The following PDE3A variants were observed in gnomAD, a reference collection of about 807,000 sequenced individuals.
PDE3A encodes cGMP-inhibited 3',5'-cyclic phosphodiesterase 3A.
A neutral mutation model predicts 98.3 loss-of-function variants in PDE3A; 43 were observed. That is an observed-to-expected ratio of 0.44 (90% confidence interval 0.34 to 0.56). The LOEUF is 0.56. PDE3A is among the 20% of genes least tolerant of loss of function. The probability of loss-of-function intolerance (pLI) is 0.01; values close to 1 mark genes in which losing one functional copy is unlikely to be tolerated. For synonymous variants in PDE3A, 663 were observed against 567.9 expected, an observed-to-expected ratio of 1.17 and a Z score of -2.38; for missense variants, 1,427 against 1,440.7, an observed-to-expected ratio of 0.99 and a Z score of 0.15.
chr12:20,535,458 C>T (rs1009946906), intron 1 of PDE3A, among the ~76,000 whole-genome samples: 2 of 152,110 alleles, frequency 1.3e-5, no homozygotes, highest in South Asian at 2.1e-4. Flanking sequence ...GTCTGTGGGA[C>T]CTTCAGAGGA....
intron 1 of PDE3A, among the ~76,000 whole-genome samples, chr12:20,516,711 C>T (rs1356771737): frequency 1.3e-5 from 2 of 152,154 alleles, no homozygotes; most frequent in African/African-American, 4.8e-5. Flanking sequence ...ATGCTATGGC[C>T]TCTTTGACTA....
intron 7 of PDE3A, among the ~76,000 whole-genome samples, 161 bp from the exon 8 acceptor site, chr12:20,634,741 G>A (rs1592133495): frequency 6.6e-6 from 1 of 152,186 alleles, no homozygotes; most frequent in Non-Finnish European, 1.5e-5. Flanking sequence ...TAAGAGATGT[G>A]TGATGTTCTC....
intron 2 of PDE3A, among the ~76,000 whole-genome samples, chr12:20,582,669 T>C (rs779554932): frequency 6.6e-6 from 1 of 152,154 alleles, no homozygotes; most frequent in Non-Finnish European, 1.5e-5. Flanking sequence ...ACTACAGATA[T>C]TGATATTTAT....
In PDE3A at chr12:20,646,523, A is replaced by G. The variant is rs1944780989; in HGVS notation, c.2285A>G (p.His762Arg). The G allele has an allele frequency of 6.2e-7, 1 of 1,606,074 alleles. No individual in the cohort carries two copies. The highest frequency in any genetic ancestry group is 1.1e-5 in the South Asian group (1 of 90,934). ...AGAATCCATGCCACTGATGTTTTAC[A>G]TGCTGTTTGGTATCTTACTACACAG... is the stretch of plus-strand genomic sequence containing the variant. Reference protein sequence around the residue: ...HNRIHATDVLHAVWYLTTQPI... With the variant: ...HNRIHATDVLRAVWYLTTQPI... The change falls in exon 11 of 16, where the codon CAT (histidine) becomes CGT (arginine). Residue 762 changes from histidine to arginine, a missense_variant. Transcript: ENST00000359062.
rs182116408 is a variant in PDE3A, at chr12:20,399,025, C to T, written c.960+28781C>T. Among the ~76,000 whole-genome samples the T allele has an allele frequency of 3.3e-3, 509 of 152,196 alleles. 4 individuals are homozygous for T. Among genetic ancestry groups the T allele is most frequent in the African/African-American group, 0.011 (456 of 41,534 alleles). On this transcript the variant is annotated intron_variant, in intron 1 of 15. Transcript: ENST00000359062. The stretch of plus-strand genomic sequence containing the variant: ...GTAACTACCATTCCACTTTCTGTCT[C>T]CATGAATTTAACTATTCTTGATATC...
At chr12:20,589,758 A>G (rs1943284816) in intron 2 of PDE3A, among the ~76,000 whole-genome samples, 1 of 151,250 alleles carries the variant, frequency 6.6e-6, no homozygotes, top group Non-Finnish European at 1.5e-5. Context: ...GGCCCCAGCT[A>G]CTCGGGAGGC....
chr12:20,597,050 G>C (rs1943483325), intron 2 of PDE3A, among the ~76,000 whole-genome samples: 1 of 152,056 alleles, frequency 6.6e-6, no homozygotes, highest in South Asian at 2.1e-4. Context: ...TGTAACCTTG[G>C]GCAAATTACA....
intron 15 of PDE3A, among the ~76,000 whole-genome samples, chr12:20,679,536 C>T (rs962825520): frequency 2.0e-5 from 3 of 152,204 alleles, no homozygotes; most frequent in Admixed American, 2.0e-4. Context: ...ACGTGAGCCA[C>T]TGCACCCAGC....
chr12:20,545,786 AAAAAC>A (rs1480753338), intron 1 of PDE3A, among the ~76,000 whole-genome samples: 1 of 149,358 alleles, frequency 6.7e-6, no homozygotes, highest in African/African-American at 2.4e-5. Context: ...CCAAAAAAAA[AAAAAC>A]AAAACAAAAC....
chr12:20,570,158 A>C (rs956310707), intron 2 of PDE3A, among the ~76,000 whole-genome samples: 2 of 152,134 alleles, frequency 1.3e-5, no homozygotes, highest in Admixed American at 6.6e-5. Flanking sequence ...CTGTAATCCC[A>C]GTGCTTTGGG....
intron 1 of PDE3A, among the ~76,000 whole-genome samples, chr12:20,527,219 TTTTG>T (rs1283157122): frequency 1.3e-5 from 2 of 151,952 alleles, no homozygotes; most frequent in African/African-American, 2.4e-5. Flanking sequence ...TTTGTTTTGT[TTTTG>T]TTTGTTTGTT....
chr12:20,609,651 T>C (rs1943798895), intron 2 of PDE3A, among the ~76,000 whole-genome samples: 1 of 151,932 alleles, frequency 6.6e-6, no homozygotes, highest in Non-Finnish European at 1.5e-5. Flanking sequence ...TACAACTATA[T>C]TACAAATCTA....
intron 1 of PDE3A, among the ~76,000 whole-genome samples, chr12:20,409,556 G>T (rs1365625720): frequency 6.6e-6 from 1 of 152,096 alleles, no homozygotes; most frequent in Non-Finnish European, 1.5e-5. Context: ...TGCTTGTAAT[G>T]AATACTTTCA....
chr12:20,629,693 AT>A (rs1007709610), intron 5 of PDE3A, among the ~76,000 whole-genome samples: 11 of 151,854 alleles, frequency 7.2e-5, no homozygotes, highest in Admixed American at 3.3e-4. Context: ...CATTGCCACT[AT>A]TTTTTTTATG....
chr12:20,402,118 G>A (rs1257111242), intron 1 of PDE3A, among the ~76,000 whole-genome samples: 2 of 152,058 alleles, frequency 1.3e-5, no homozygotes. Flanking sequence ...TTAAACAGTA[G>A]GGAGCTAACA....
chr12:20,467,684 C>G (rs1204972581), intron 1 of PDE3A, among the ~76,000 whole-genome samples: 1 of 151,744 alleles, frequency 6.6e-6, no homozygotes, highest in Admixed American at 6.6e-5. Context: ...TGCCTGTAAT[C>G]CCAGCATTTT....
intron 1 of PDE3A, among the ~76,000 whole-genome samples, chr12:20,468,569 C>T (rs1257354409): frequency 6.6e-6 from 1 of 152,170 alleles, no homozygotes; most frequent in Admixed American, 6.5e-5. Context: ...GCAAGGGCTG[C>T]CTGGTCTTTC....
intron 10 of PDE3A, among the ~76,000 whole-genome samples, chr12:20,643,949 G>C (rs573558992): frequency 2.0e-5 from 3 of 152,176 alleles, no homozygotes; most frequent in South Asian, 2.1e-4. Context: ...ACCTGGAATA[G>C]ATGTTATCAA....
chr12:20,532,009 G>T (rs555286857), intron 1 of PDE3A, among the ~76,000 whole-genome samples: 9 of 151,686 alleles, frequency 5.9e-5, no homozygotes, highest in Non-Finnish European at 1.2e-4. Context: ...GTACCTTGAA[G>T]TTCCAACTTC....
Sources: gnomAD v4.1 joint callset for allele counts (sites outside exome capture counted in the v4.1 genomes callset) on GRCh38, gnomAD v4.1.1 for gene constraint, MANE v1.5 for transcripts, NCBI Gene and HGNC (gene_info 2026-07-23, HGNC 2026-07-21) for gene names.